The following FMN1 variants were observed in gnomAD, a reference collection of about 807,000 sequenced individuals.
FMN1 encodes the protein formin-1.
FMN1 carries 110 observed loss-of-function variants against 132.4 expected under a neutral mutation model. The observed-to-expected ratio is 0.83, with a 90% CI of 0.71 to 0.97. The LOEUF (loss-of-function observed/expected upper bound fraction) is 0.97, where lower values mean the gene tolerates loss of function less well. FMN1 is among the 50% of genes least tolerant of loss of function. The pLI, the probability that FMN1 is intolerant of heterozygous loss-of-function variation, is 0.00. For synonymous variants in FMN1, 722 were observed against 651.7 expected (o/e 1.11, Z -1.64); for missense variants, 1,792 against 1,705.3 (o/e 1.05, Z -0.90).
chr15:33,086,877 A>G (rs1458660736), intron 5 of FMN1, among the ~76,000 whole-genome samples: 2 of 152,244 alleles, frequency 1.3e-5, no homozygotes, highest in Admixed American at 1.3e-4. Context: ...AAAATGACAT[A>G]CAGTGACCAT....
chr15:32,988,411 T>G (rs370320031), intron 7 of FMN1, among the ~76,000 whole-genome samples: 28 of 152,292 alleles, frequency 1.8e-4, no homozygotes, highest in South Asian at 1.5e-3. Flanking sequence ...AACAGAAGCG[T>G]GTTTGAGTTT....
At chr15:32,823,473 TA>T (rs1201414889) in intron 17 of FMN1, among the ~76,000 whole-genome samples, 1 of 152,152 alleles carries the variant, frequency 6.6e-6, no homozygotes, top group Non-Finnish European at 1.5e-5. Context: ...CGAGAGTTTC[TA>T]TCGTTATTGC....
intron 3 of FMN1, among the ~76,000 whole-genome samples, chr15:33,172,619 C>G (rs1965372180): frequency 6.6e-6 from 1 of 152,096 alleles, no homozygotes; most frequent in Admixed American, 6.5e-5. Context: ...CTCCTTTAAC[C>G]CCGGCAATGT....
At chr15:33,052,214 A>AG in intron 6 of FMN1, among the ~76,000 whole-genome samples, 1 of 152,346 alleles carries the variant, frequency 6.6e-6, no homozygotes, top group Non-Finnish European at 1.5e-5. Flanking sequence ...CTGGTGTCTT[A>AG]GCCTTGAGAT....
chr15:32,886,610 G>A (rs1023257605), intron 16 of FMN1, among the ~76,000 whole-genome samples: 2 of 152,186 alleles, frequency 1.3e-5, no homozygotes, highest in Admixed American at 1.3e-4. Context: ...CCCCTGGAAG[G>A]AGAAGGGAAA....
chr15:32,930,734 C>T (rs145106264), intron 9 of FMN1, among the ~76,000 whole-genome samples: 91 of 151,520 alleles, frequency 6.0e-4, no homozygotes, highest in African/African-American at 2.2e-3. Context: ...GGGGGGCGGT[C>T]TATGCTTTTC....
chr15:32,874,275 C>G (rs561217541), intron 16 of FMN1, among the ~76,000 whole-genome samples: 1 of 152,002 alleles, frequency 6.6e-6, no homozygotes, highest in South Asian at 2.1e-4. Flanking sequence ...CCTGCCTCGG[C>G]CTCCCAAAGT....
intron 4 of FMN1, among the ~76,000 whole-genome samples, chr15:33,107,260 C>CCT (rs1166396688): frequency 6.6e-6 from 1 of 152,020 alleles, no homozygotes; most frequent in Non-Finnish European, 1.5e-5. Flanking sequence ...TACGCCACTA[C>CCT]CTCTCTCATC....
intron 20 of FMN1, among the ~76,000 whole-genome samples, chr15:32,775,042 C>T (rs2056372769): frequency 6.6e-6 from 1 of 152,092 alleles, no homozygotes; most frequent in Non-Finnish European, 1.5e-5. Context: ...GATGGTGTGC[C>T]TGCTCTGGGA....
At chr15:32,972,155 C>T (rs1178465573) in intron 7 of FMN1, among the ~76,000 whole-genome samples, 2 of 152,152 alleles carry the variant, frequency 1.3e-5, no homozygotes, top group African/African-American at 4.8e-5. Flanking sequence ...AGTGCTATTT[C>T]AGTTTGCCGT....
rs139054944 is a variant in FMN1, at chr15:33,064,979, C to T, written c.2139G>A (p.Val713=). ...PPKTKDTEEK[V]GLKYTEAEYQ... Reference sequence around the variant, plus strand: ...TACCTGCTTCAGTGTACTTCAGTCCCACTTTTTCTTCTGTGTCTTTTGTCT... The same window carrying T: ...TACCTGCTTCAGTGTACTTCAGTCCTACTTTTTCTTCTGTGTCTTTTGTCT... The change falls in exon 6 of 21, where the codon GTG becomes GTA. Residue 713 remains valine (V), a synonymous_variant. Transcript: ENST00000616417. 2.0e-4 allele frequency: 325 copies of T among 1,612,510 alleles called. No homozygotes were observed. Among genetic ancestry groups the T allele is most frequent in the Middle Eastern group, 6.6e-4 (4 of 6,058 alleles).
rs1193164999 is a variant in FMN1 at position 32,770,641 on chromosome 15, A to G, written c.*3669T>C. On this transcript the variant is annotated 3_prime_UTR_variant, in exon 21 of 21. Coordinates refer to ENST00000616417, the MANE Select transcript of FMN1 (RefSeq NM_001277313.2). ...ACACCATTCTTCATGGTGCTTATGA[A>G]AACAGGAGGTGCCTGAAGGAGGCTG... 6.6e-6 allele frequency: 1 copy of G among 152,158 alleles called. No individual in the cohort carries two copies. Among genetic ancestry groups the G allele is most frequent in the African/African-American group, 2.4e-5 (1 of 41,432 alleles). 9.4% of individuals were successfully genotyped at this position (152,158 alleles called of 1,614,324 possible). A position where few individuals can be genotyped will look rare whatever the true frequency, so the allele number is the denominator to read the frequency against.
At chr15:32,921,092 G>C (rs2060809334) in intron 10 of FMN1, among the ~76,000 whole-genome samples, 1 of 152,098 alleles carries the variant, frequency 6.6e-6, no homozygotes, top group South Asian at 2.1e-4. Flanking sequence ...ATAAGTAGAT[G>C]AACAAATAAA....
At chr15:33,090,219 T>G (rs1461788197) in intron 4 of FMN1, among the ~76,000 whole-genome samples, 1 of 152,180 alleles carries the variant, frequency 6.6e-6, no homozygotes, top group Non-Finnish European at 1.5e-5. Flanking sequence ...GAGTGTTTAT[T>G]ACACATAATC....
rs539489168 is a variant in FMN1, at chr15:32,845,502, C to T, written c.3928+11513G>A. Among the ~76,000 whole-genome samples, 23 of 152,222 alleles carry T rather than the reference C, an allele frequency of 1.5e-4. 1 individual carries two copies. The South Asian group carries it at 2.5e-3, about 16-fold the overall frequency. ...ACAAATATGCTTATTTCTATTTACC[C>T]CTAGGGTCCTGGGACTCAAAAGAAA... is the stretch of plus-strand genomic sequence containing the variant. On this transcript the variant is annotated intron_variant, in intron 17 of 20. Coordinates refer to ENST00000616417, the MANE Select transcript of FMN1 (RefSeq NM_001277313.2).
intron 15 of FMN1, among the ~76,000 whole-genome samples, chr15:32,897,074 G>T (rs2060177801): frequency 6.6e-6 from 1 of 152,076 alleles, no homozygotes; most frequent in Admixed American, 6.5e-5. Context: ...GTCAACACTT[G>T]CTATTTTCCA....
chr15:32,857,616 G>A (rs543115781), intron 16 of FMN1, among the ~76,000 whole-genome samples: 58 of 152,254 alleles, frequency 3.8e-4, no homozygotes, highest in African/African-American at 1.3e-3. Flanking sequence ...CTAAGACCAG[G>A]TCGGGGAGGA....
rs2056299484 is a variant in FMN1 at position 32,772,961 on chromosome 15, A to T, written c.*1349T>A. ...ATTTAAGATTTCTGCTCATCTCTGG[A>T]CTGTCCTCCACCAATTGGGGGGAGA... On this transcript the variant is annotated 3_prime_UTR_variant, in exon 21 of 21. Coordinates refer to ENST00000616417, the MANE Select transcript of FMN1 (RefSeq NM_001277313.2). The T allele has an allele frequency of 1.3e-5, 2 of 150,180 alleles. No homozygotes were observed. Among genetic ancestry groups the T allele is most frequent in the South Asian group, 4.2e-4 (2 of 4,756 alleles). 9.3% of individuals were successfully genotyped at this position (150,180 alleles called of 1,614,324 possible).
chr15:32,783,092 A>C (rs1180385554), intron 19 of FMN1, among the ~76,000 whole-genome samples: 1 of 152,144 alleles, frequency 6.6e-6, no homozygotes, highest in African/African-American at 2.4e-5. Flanking sequence ...AAACCCTGCC[A>C]CTATGAAATA....
Sources: allele counts gnomAD v4.1 joint callset (sites outside exome capture counted in the v4.1 genomes callset), GRCh38; gene constraint gnomAD v4.1.1; transcripts MANE v1.5; gene names NCBI Gene and HGNC (gene_info 2026-07-23, HGNC 2026-07-21).